VWC2L: variants seen among roughly 807,000 people sequenced by gnomAD.
VWC2L encodes von Willebrand factor C domain containing 2 like, also known as von Willebrand factor C domain-containing protein 2-like.
Under a neutral mutation model 21.6 loss-of-function variants are expected in VWC2L, and 10 were observed. The observed-to-expected ratio is 0.46, with a 90% CI of 0.29 to 0.78. The LOEUF is 0.78. Ranked by LOEUF, VWC2L falls within the 30% of genes least tolerant of loss-of-function variation. The pLI, the probability that VWC2L is intolerant of heterozygous loss-of-function variation, is 0.10. For missense variants in VWC2L, 209 were observed against 277.1 expected, an observed-to-expected ratio of 0.75 and a Z score of 1.74; for synonymous variants, 96 against 94.3, an observed-to-expected ratio of 1.02 and a Z score of -0.10.
intron 3 of VWC2L, among the ~76,000 whole-genome samples, chr2:214,516,136 T>C (rs1260291257): frequency 2.0e-5 from 3 of 152,076 alleles, no homozygotes; most frequent in Non-Finnish European, 4.4e-5. Flanking sequence ...TACTGATAAC[T>C]TGAAATTAGC....
chr2:214,547,127 C>T (rs1574629767), intron 3 of VWC2L, among the ~76,000 whole-genome samples: 1 of 152,068 alleles, frequency 6.6e-6, no homozygotes, highest in Non-Finnish European at 1.5e-5. Context: ...TGAAGGCCCC[C>T]TTGAATGCTA....
intron 3 of VWC2L, among the ~76,000 whole-genome samples, chr2:214,551,970 T>C (rs539044073): frequency 6.6e-6 from 1 of 152,360 alleles, no homozygotes; most frequent in Admixed American, 6.5e-5. Context: ...TCAAGAAACT[T>C]ACCTGTCCCC....
At chr2:214,413,519 G>A (rs1424130449) in intron 1 of VWC2L, among the ~76,000 whole-genome samples, 2 of 152,048 alleles carry the variant, frequency 1.3e-5, no homozygotes, top group Non-Finnish European at 2.9e-5. Flanking sequence ...CAAAAATCCA[G>A]ACTCACATTC....
At chr2:214,567,593 C>CAGAG (rs1196071180) in intron 3 of VWC2L, among the ~76,000 whole-genome samples, 6 of 133,002 alleles carry the variant, frequency 4.5e-5, no homozygotes, top group African/African-American at 1.9e-4. Context: ...CACACACACA[C>CAGAG]ACAGAGAGAG....
intron 3 of VWC2L, among the ~76,000 whole-genome samples, chr2:214,519,820 T>C (rs1050352078): frequency 1.3e-5 from 2 of 152,154 alleles, no homozygotes; most frequent in Non-Finnish European, 2.9e-5. Context: ...TTCACACGCA[T>C]GACCCAATGA....
intron 3 of VWC2L, among the ~76,000 whole-genome samples, chr2:214,481,802 C>G (rs1186918457): frequency 6.6e-6 from 1 of 152,110 alleles, no homozygotes; most frequent in African/African-American, 2.4e-5. Flanking sequence ...CAAGTTTGCT[C>G]TTTTGAAGAC....
chr2:214,474,038 T>TA (rs1269185753), intron 3 of VWC2L, among the ~76,000 whole-genome samples: 3 of 152,110 alleles, frequency 2.0e-5, no homozygotes, highest in Admixed American at 6.6e-5. Context: ...ATGGCAGTCT[T>TA]ACGATTTTAT....
chr2:214,428,305 G>A (rs1298540090), intron 2 of VWC2L, among the ~76,000 whole-genome samples: 1 of 152,128 alleles, frequency 6.6e-6, no homozygotes, highest in African/African-American at 2.4e-5. Flanking sequence ...GGCTCAAGAG[G>A]TTTAAGTAAC....
At chr2:214,491,222 T>A (rs1375435910) in intron 3 of VWC2L, among the ~76,000 whole-genome samples, 1 of 152,152 alleles carries the variant, frequency 6.6e-6, no homozygotes, top group African/African-American at 2.4e-5. Flanking sequence ...GCAAATGATA[T>A]GGTAATAGGT....
chr2:214,539,210 T>G (rs943874132), intron 3 of VWC2L, among the ~76,000 whole-genome samples: 1 of 152,128 alleles, frequency 6.6e-6, no homozygotes, highest in African/African-American at 2.4e-5. Context: ...GCAAAGGGGA[T>G]GTAAATCAAC....
At chr2:214,516,163 ACAC>A (rs1285813240) in intron 3 of VWC2L, among the ~76,000 whole-genome samples, 2 of 152,034 alleles carry the variant, frequency 1.3e-5, no homozygotes, top group Admixed American at 6.5e-5. Flanking sequence ...GGGAGTATTT[ACAC>A]CACCACAATT....
chr2:214,425,017 CATTTT>C (rs746581343), intron 2 of VWC2L, among the ~76,000 whole-genome samples: 26 of 152,290 alleles, frequency 1.7e-4, no homozygotes, highest in Non-Finnish European at 3.4e-4. Flanking sequence ...GTTCACAATC[CATTTT>C]ATTAATAAAG....
intron 3 of VWC2L, among the ~76,000 whole-genome samples, chr2:214,456,467 T>G (rs1703057986): frequency 6.6e-6 from 1 of 152,132 alleles, no homozygotes; most frequent in Non-Finnish European, 1.5e-5. Flanking sequence ...TTCCGGACAT[T>G]ACGCCTTTGT....
intron 3 of VWC2L, among the ~76,000 whole-genome samples, chr2:214,556,982 AG>A (rs1234999259): frequency 6.6e-6 from 1 of 152,184 alleles, no homozygotes; most frequent in East Asian, 1.9e-4. Flanking sequence ...GCAACCCTAC[AG>A]GGGCAGGGAG....
intron 3 of VWC2L, among the ~76,000 whole-genome samples, chr2:214,446,019 A>G (rs1702832987): frequency 6.6e-6 from 1 of 152,230 alleles, no homozygotes; most frequent in African/African-American, 2.4e-5. Flanking sequence ...TATTCACTTA[A>G]GTATATCCAT....
chr2:214,418,096 A>G (rs1314600742), intron 2 of VWC2L, among the ~76,000 whole-genome samples: 1 of 152,026 alleles, frequency 6.6e-6, no homozygotes, highest in African/African-American at 2.4e-5. Context: ...CTACTGGACC[A>G]CTTCAAGGCT....
In VWC2L at chr2:214,437,575, T is replaced by C. The variant is rs916384694; in HGVS notation, c.520+817T>C. ...CATTCCACAAATGTTCTGTCATTAA[T>C]ATCTGCTGGAAAAAGTGGTTCTAGC... On this transcript the variant is annotated intron_variant, in intron 3 of 3. Transcript: ENST00000312504. Among the ~76,000 whole-genome samples the C allele has an allele frequency of 1.3e-5, 2 of 152,170 alleles. 1 individual carries two copies. The highest frequency in any genetic ancestry group is 4.8e-5 in the African/African-American group (2 of 41,460).
chr2:214,429,874 A>C (rs1702574568), intron 2 of VWC2L, among the ~76,000 whole-genome samples: 1 of 151,950 alleles, frequency 6.6e-6, no homozygotes, highest in South Asian at 2.1e-4. Flanking sequence ...TCCAGGCTGG[A>C]GTGCAATGGC....
At chr2:214,501,757 C>A (rs1688895664) in intron 3 of VWC2L, among the ~76,000 whole-genome samples, 1 of 151,974 alleles carries the variant, frequency 6.6e-6, no homozygotes, top group South Asian at 2.1e-4. Context: ...ATGTGCCATC[C>A]CTAGGCCTAG....
Sources: allele counts gnomAD v4.1 joint callset (sites outside exome capture counted in the v4.1 genomes callset), GRCh38; gene constraint gnomAD v4.1.1; transcripts MANE v1.5; gene names NCBI Gene and HGNC (gene_info 2026-07-23, HGNC 2026-07-21).